Variants in SRGAP1 observed in about 807,000 individuals in gnomAD.
SRGAP1 encodes SLIT-ROBO Rho GTPase-activating protein 1.
Under a neutral mutation model 121.9 loss-of-function variants are expected in SRGAP1, and 43 were observed. That is an observed-to-expected ratio of 0.35 (90% CI 0.28 to 0.46). The LOEUF (loss-of-function observed/expected upper bound fraction) is 0.46, where lower values mean the gene tolerates loss of function less well. SRGAP1 is among the 20% of genes least tolerant of loss of function. The pLI is 1.00. For synonymous variants in SRGAP1, 447 were observed against 485.4 expected, an observed-to-expected ratio of 0.92 and a Z score of 1.04; for missense variants, 1,102 against 1,350.9, an observed-to-expected ratio of 0.82 and a Z score of 2.89.
chr12:63,867,584 A>G (rs1444821575), intron 1 of SRGAP1, among the ~76,000 whole-genome samples: 1 of 152,148 alleles, frequency 6.6e-6, no homozygotes, highest in Admixed American at 6.5e-5. Flanking sequence ...ATGATGAATC[A>G]ATCTTATAAG....
At chr12:63,881,222 A>G (rs1265497151) in intron 1 of SRGAP1, among the ~76,000 whole-genome samples, 1 of 152,190 alleles carries the variant, frequency 6.6e-6, no homozygotes, top group African/African-American at 2.4e-5. Flanking sequence ...GAATCTATCA[A>G]AGTACTTGCA....
chr12:63,965,504 A>G (rs1213047426), intron 1 of SRGAP1, among the ~76,000 whole-genome samples: 1 of 152,068 alleles, frequency 6.6e-6, no homozygotes, highest in Non-Finnish European at 1.5e-5. Context: ...AACATCATTT[A>G]CATTAAAAAA....
At chr12:63,919,506 A>C (rs1201515335) in intron 1 of SRGAP1, among the ~76,000 whole-genome samples, 4 of 147,728 alleles carry the variant, frequency 2.7e-5, no homozygotes, top group African/African-American at 1.0e-4. Context: ...TTACATATAT[A>C]TATATATATA....
chr12:64,082,113 G>A (rs868003585), intron 10 of SRGAP1, among the ~76,000 whole-genome samples: 16 of 142,628 alleles, frequency 1.1e-4, no homozygotes, highest in African/African-American at 1.3e-4. Flanking sequence ...GTAGATGAAC[G>A]CTTATAGGCA....
At chr12:63,967,346 G>A (rs1245571596) in intron 1 of SRGAP1, among the ~76,000 whole-genome samples, 1 of 152,202 alleles carries the variant, frequency 6.6e-6, no homozygotes, top group Non-Finnish European at 1.5e-5. Flanking sequence ...GGAGGCTGAA[G>A]AGGGAGGATG....
intron 4 of SRGAP1, among the ~76,000 whole-genome samples, chr12:64,024,954 G>C (rs183384795): frequency 3.5e-4 from 54 of 152,246 alleles, no homozygotes; most frequent in African/African-American, 1.2e-3. Flanking sequence ...TTCAAGGTGA[G>C]ATTTGGGTGG....
intron 1 of SRGAP1, among the ~76,000 whole-genome samples, chr12:63,918,103 T>A (rs2030872611): frequency 6.6e-6 from 1 of 152,136 alleles, no homozygotes; most frequent in Non-Finnish European, 1.5e-5. Context: ...ACAAAATCAG[T>A]CATAGTAAAA....
At chr12:63,910,422 G>T (rs10735918) in intron 1 of SRGAP1, among the ~76,000 whole-genome samples, 150,646 of 152,348 alleles carry the variant, frequency 0.99, 74,504 homozygotes, top group Middle Eastern at 1. Flanking sequence ...ATCTGCTATT[G>T]TCTTTAGCTG....
At chr12:63,906,489 A>C (rs528141308) in intron 1 of SRGAP1, among the ~76,000 whole-genome samples, 1 of 151,360 alleles carries the variant, frequency 6.6e-6, no homozygotes, top group Non-Finnish European at 1.5e-5. Flanking sequence ...AATTTTTTGT[A>C]TTTTTAGTAG....
At chr12:63,876,364 T>G (rs949441064) in intron 1 of SRGAP1, among the ~76,000 whole-genome samples, 1 of 152,168 alleles carries the variant, frequency 6.6e-6, no homozygotes, top group African/African-American at 2.4e-5. Context: ...AATCAGAACC[T>G]TGTAGCCTGT....
chr12:64,129,206 C>T lies in SRGAP1; in HGVS notation c.2880+1006C>T, dbSNP rs139945037. On this transcript the variant is annotated intron_variant, in intron 21 of 21. Transcript: ENST00000355086. ...AAGGGGAGTTTATTAAGTATTAACTCACACAATCACAGAGTCCCACAATAG... is the reference window on the plus strand; with the variant it reads ...AAGGGGAGTTTATTAAGTATTAACTTACACAATCACAGAGTCCCACAATAG... 2.4e-3 allele frequency among the ~76,000 whole-genome samples: 371 copies of T among 152,070 alleles called. 1 individual carries two copies. Among genetic ancestry groups the T allele is most frequent in the African/African-American group, 8.7e-3 (361 of 41,470 alleles).
rs201710123 is a variant in SRGAP1, at chr12:64,058,815, G to A, written c.802-4102G>A. On this transcript the variant is annotated intron_variant, in intron 6 of 21. Coordinates refer to ENST00000355086, the MANE Select transcript of SRGAP1 (RefSeq NM_020762.4). ...CAGTGTCATTTCAGTTTCTAGTTTA[G>A]AAAAAAAAAAAAGATTCAGTGACTA... 3.8e-3 allele frequency among the ~76,000 whole-genome samples: 566 copies of A among 148,952 alleles called. 1 individual carries two copies. The highest frequency in any genetic ancestry group is 0.012 in the African/African-American group (507 of 40,646).
chr12:63,993,607 T>C (rs1230758153), intron 3 of SRGAP1, among the ~76,000 whole-genome samples: 1 of 152,186 alleles, frequency 6.6e-6, no homozygotes, highest in Non-Finnish European at 1.5e-5. Flanking sequence ...TTTTGGCCTC[T>C]TAAACAGCCA....
At chr12:64,071,135 A>G (rs1221878320) in intron 8 of SRGAP1, among the ~76,000 whole-genome samples, 2 of 152,220 alleles carry the variant, frequency 1.3e-5, no homozygotes, top group Non-Finnish European at 2.9e-5. Context: ...AATTAAAAAT[A>G]GGATCAACCG....
At chr12:64,093,329 C>A (rs915879154) in intron 12 of SRGAP1, among the ~76,000 whole-genome samples, 1 of 152,004 alleles carries the variant, frequency 6.6e-6, no homozygotes, top group African/African-American at 2.4e-5. Flanking sequence ...CTGATCATAG[C>A]TTTTTTAAAA....
intron 12 of SRGAP1, chr12:64,091,933 T>C: frequency 6.5e-7 from 1 of 1,535,442 alleles, no homozygotes; most frequent in Non-Finnish European, 8.7e-7. Context: ...TCAGGTATAG[T>C]GCTAGAGGGA....
chr12:63,867,637 A>G (rs1899684043), intron 1 of SRGAP1, among the ~76,000 whole-genome samples: 1 of 152,180 alleles, frequency 6.6e-6, no homozygotes, highest in Non-Finnish European at 1.5e-5. Flanking sequence ...TAATGATTAA[A>G]TGAGATCATA....
At position 64,161,368 on chromosome 12, in the gene SRGAP1, T is replaced by TACAAA. The variant is rs1190574185; in HGVS notation, c.*18696_*18697insACAAA. 2.0e-5 allele frequency: 3 copies of TACAAA among 152,174 alleles called. No individual in the cohort carries two copies. The highest frequency in any genetic ancestry group is 4.4e-5 in the Non-Finnish European group (3 of 68,022). The allele number at this position is 152,174 out of a possible 1,614,324, so 9.4% of individuals were successfully genotyped here. ...AACTGATCCTATAATTTTACTAATTTTCCTCCAGTTTTTCATCTATTTGAC... is the reference window on the plus strand; with the variant it reads ...AACTGATCCTATAATTTTACTAATTTACAAATCCTCCAGTTTTTCATCTATTTGAC... On this transcript the variant is annotated 3_prime_UTR_variant, in exon 22 of 22. Coordinates refer to ENST00000355086, the MANE Select transcript of SRGAP1 (RefSeq NM_020762.4).
intron 3 of SRGAP1, among the ~76,000 whole-genome samples, chr12:64,008,268 G>A (rs1199476653): frequency 1.3e-5 from 2 of 152,154 alleles, no homozygotes; most frequent in Non-Finnish European, 2.9e-5. Context: ...CATCCCATGT[G>A]CAATTGCCCA....
Sources: allele counts gnomAD v4.1 joint callset (sites outside exome capture counted in the v4.1 genomes callset), GRCh38; gene constraint gnomAD v4.1.1; transcripts MANE v1.5; gene names NCBI Gene and HGNC (gene_info 2026-07-23, HGNC 2026-07-21).